The following TP53BP1 variants were observed in gnomAD, a reference collection of about 807,000 sequenced individuals.
TP53BP1 encodes TP53-binding protein 1.
Under a neutral mutation model 200.8 loss-of-function variants are expected in TP53BP1, and 61 were observed. The observed-to-expected ratio is 0.30, with a 90% CI of 0.25 to 0.38. The LOEUF is 0.38. TP53BP1 is among the 10% of genes least tolerant of loss of function. The pLI is 1.00. For missense variants in TP53BP1, 2,144 were observed against 2,371.9 expected (o/e 0.90, Z 2.00); for synonymous variants, 822 against 844.3 (o/e 0.97, Z 0.46).
At chr15:43,427,379 A>G (rs1470857638) in intron 18 of TP53BP1, among the ~76,000 whole-genome samples, 1 of 152,258 alleles carries the variant, frequency 6.6e-6, no homozygotes, top group Admixed American at 6.5e-5. Context: ...GGAGTGTTCT[A>G]AACTCCATTT....
intron 1 of TP53BP1, among the ~76,000 whole-genome samples, chr15:43,505,627 T>C (rs998025628): frequency 6.6e-6 from 1 of 152,228 alleles, no homozygotes; most frequent in Non-Finnish European, 1.5e-5. Context: ...GCTCTGCCCA[T>C]TTACTTAATG....
intron 4 of TP53BP1, among the ~76,000 whole-genome samples, chr15:43,491,288 C>T (rs2079119009): frequency 6.6e-6 from 1 of 151,940 alleles, no homozygotes; most frequent in East Asian, 1.9e-4. Context: ...ACCATGTTGG[C>T]CAGGCTGGTC....
At chr15:43,415,456 C>T (rs1566916895) in intron 23 of TP53BP1, 138 bp downstream of exon 23, 1 of 851,036 alleles carries the variant, frequency 1.2e-6, no homozygotes, top group Non-Finnish European at 2.0e-6. Flanking sequence ...CTGAATATCA[C>T]CTGTGGGCTT....
intron 14 of TP53BP1, among the ~76,000 whole-genome samples, chr15:43,445,171 G>A (rs1424108196): frequency 4.6e-5 from 7 of 152,062 alleles, no homozygotes; most frequent in Admixed American, 2.6e-4. Context: ...TACATTTGCA[G>A]CCTCATCTCC....
chr15:43,439,798 T>C (rs1354815462), intron 15 of TP53BP1, among the ~76,000 whole-genome samples: 2 of 152,248 alleles, frequency 1.3e-5, no homozygotes, highest in Non-Finnish European at 2.9e-5. Flanking sequence ...CTAAGAGTTC[T>C]AGAAGCTTCA....
intron 4 of TP53BP1, among the ~76,000 whole-genome samples, chr15:43,488,894 CA>C (rs908443576): frequency 2.0e-5 from 3 of 147,356 alleles, no homozygotes; most frequent in Non-Finnish European, 4.5e-5. Context: ...GACTCCGTCT[CA>C]AAAAAAAAAG....
intron 4 of TP53BP1, among the ~76,000 whole-genome samples, chr15:43,481,734 G>A (rs967183010): frequency 5.3e-5 from 8 of 150,608 alleles, no homozygotes; most frequent in Admixed American, 6.6e-5. Flanking sequence ...AAAATTGCTC[G>A]AACCCAGGAG....
Position 43,420,405 on chromosome 15 carries a change from C to G in TP53BP1, c.4581G>C (p.Gly1527=). 1 of 1,614,138 alleles carries G rather than the reference C, an allele frequency of 6.2e-7. No individual in the cohort carries two copies. The highest frequency in any genetic ancestry group is 8.5e-7 in the Non-Finnish European group (1 of 1,180,030). The change falls in exon 21 of 28, where the codon GGG becomes GGC. Residue 1527 remains glycine, a synonymous_variant. Coordinates refer to ENST00000382044, the MANE Select transcript of TP53BP1 (RefSeq NM_001141980.3). ...AGKYKLLFDD[G]YECDVLGKDI... ...CTTTGCCCAACACATCACATTCGTA[C>G]CCATCATCAAAGAGCAATTTATACT...
At chr15:43,464,777 G>A (rs2046528626) in intron 11 of TP53BP1, among the ~76,000 whole-genome samples, 2 of 152,016 alleles carry the variant, frequency 1.3e-5, no homozygotes, top group South Asian at 4.2e-4. Flanking sequence ...GCATGGTGGT[G>A]CATGCCTGTA....
intron 11 of TP53BP1, among the ~76,000 whole-genome samples, chr15:43,464,440 T>C (rs753916907): frequency 2.0e-5 from 3 of 152,216 alleles, no homozygotes; most frequent in Non-Finnish European, 4.4e-5. Context: ...CAATGGCACC[T>C]GTAGGTATAC....
chr15:43,463,516 T>C (rs1005833283), intron 11 of TP53BP1, among the ~76,000 whole-genome samples: 1 of 152,120 alleles, frequency 6.6e-6, no homozygotes, highest in Admixed American at 6.6e-5. Flanking sequence ...GGGAACTTAA[T>C]AGAAATGGAG....
chr15:43,463,039 AGAGT>A (rs1348012310), intron 11 of TP53BP1, among the ~76,000 whole-genome samples: 1 of 152,242 alleles, frequency 6.6e-6, no homozygotes, highest in African/African-American at 2.4e-5. Flanking sequence ...CCTGGGCGAC[AGAGT>A]GAGACTCCAT....
intron 11 of TP53BP1, among the ~76,000 whole-genome samples, chr15:43,467,647 C>G (rs145356970): frequency 3.3e-5 from 5 of 152,268 alleles, no homozygotes; most frequent in African/African-American, 9.6e-5. Flanking sequence ...CTCCACCCCC[C>G]CAACCAGCAG....
intron 10 of TP53BP1, among the ~76,000 whole-genome samples, chr15:43,471,997 G>A (rs1401154898): frequency 6.6e-6 from 1 of 152,128 alleles, no homozygotes; most frequent in African/African-American, 2.4e-5. Flanking sequence ...GAAAGCCTAA[G>A]ATCAAATTCT....
intron 1 of TP53BP1, among the ~76,000 whole-genome samples, chr15:43,503,550 T>C (rs1338589313): frequency 3.3e-5 from 5 of 152,092 alleles, no homozygotes; most frequent in African/African-American, 1.2e-4. Flanking sequence ...TTCCAGCTAC[T>C]CGGGAGGCTG....
At chr15:43,505,536 G>A (rs1052906653) in intron 1 of TP53BP1, among the ~76,000 whole-genome samples, 10 of 152,156 alleles carry the variant, frequency 6.6e-5, no homozygotes. Flanking sequence ...AAAGAATGTG[G>A]GAAGTGAGGG....
chr15:43,476,827 A>T (rs560044988), intron 8 of TP53BP1, among the ~76,000 whole-genome samples: 1 of 152,372 alleles, frequency 6.6e-6, no homozygotes, highest in East Asian at 1.9e-4. Flanking sequence ...GGTGGAGGTT[A>T]AAGAGGTGTG....
chr15:43,497,391 A>G (rs1021804489), upstream of TP53BP1: 26 of 985,134 alleles, frequency 2.6e-5, no homozygotes, highest in African/African-American at 3.5e-5. Context: ...AAAAACAACA[A>G]CAAATTACCT....
chr15:43,485,182 A>G (rs2079028265), intron 4 of TP53BP1, among the ~76,000 whole-genome samples: 1 of 152,144 alleles, frequency 6.6e-6, no homozygotes, highest in African/African-American at 2.4e-5. Context: ...GCTATACCCT[A>G]CACAAGAATG....
Sources: allele counts gnomAD v4.1 joint callset (sites outside exome capture counted in the v4.1 genomes callset), GRCh38; gene constraint gnomAD v4.1.1; transcripts MANE v1.5; gene names NCBI Gene and HGNC (gene_info 2026-07-23, HGNC 2026-07-21).